Variants in ZPLD1 observed in about 807,000 individuals in gnomAD.
ZPLD1 encodes the protein zona pellucida like domain containing 1.
Under a neutral mutation model 47.2 loss-of-function variants are expected in ZPLD1, and 34 were observed. The ratio of observed to expected loss-of-function variants is 0.72; its 90% CI spans 0.55 to 0.96. ZPLD1 has a LOEUF of 0.96. Among genes scored for constraint, ZPLD1 ranks in the 40% least tolerant of loss-of-function variants. The probability of loss-of-function intolerance (pLI) is 0.00; values close to 1 mark genes in which losing one functional copy is unlikely to be tolerated. For synonymous variants in ZPLD1, 176 were observed against 186.2 expected, an observed-to-expected ratio of 0.95 and a Z score of 0.45; for missense variants, 512 against 505.8, an observed-to-expected ratio of 1.01 and a Z score of -0.12.
At chr3:102,476,989 C>T (rs1576171744) in intron 10 of ZPLD1, 23 bp from the exon 11 acceptor site, 1 of 1,612,672 alleles carries the variant, frequency 6.2e-7, no homozygotes, top group Non-Finnish European at 8.5e-7. Context: ...TGTCACTTCT[C>T]TTTTTCTGTT....
chr3:102,407,037 G>A (rs1158243207), intron 7 of ZPLD1, among the ~76,000 whole-genome samples: 2 of 151,740 alleles, frequency 1.3e-5, no homozygotes, highest in African/African-American at 2.4e-5. Context: ...TTCTGTGGGA[G>A]TAGCTCATCT....
rs369537892 is a variant in ZPLD1 at position 102,404,568 on chromosome 3, T to G, written c.-157+12343T>G. On this transcript the variant is annotated intron_variant, in intron 7 of 17. Coordinates refer to the ZPLD1 transcript ENST00000491959. ...TGAATAGCAAATCTCCTTTTGCTTT[T>G]GTGCTCCAGGTGTTTCTATTAGGAT... Among the ~76,000 whole-genome samples, 76 of 152,136 alleles carry G rather than the reference T, an allele frequency of 5.0e-4. 1 individual carries two copies. The highest frequency in any genetic ancestry group is 1.8e-3 in the African/African-American group (74 of 41,560).
At chr3:102,448,853 G>C (rs1347268249) in intron 3 of ZPLD1, among the ~76,000 whole-genome samples, 1 of 152,178 alleles carries the variant, frequency 6.6e-6, no homozygotes, top group African/African-American at 2.4e-5. Flanking sequence ...TCTCTTTTGT[G>C]ACATATTCAT....
chr3:102,477,422 GGT>G lies in ZPLD1; in HGVS notation c.1073-16_1073-15del. Reference sequence around the variant, plus strand: ...ATATTATATGGGGCCTTTACAACCGGGTGTGTTTTATTATTTGCAGGTTCTCC... The same window carrying G: ...ATATTATATGGGGCCTTTACAACCGGGTGTTTTATTATTTGCAGGTTCTCC... On this transcript the variant is annotated intron_variant, in intron 11 of 11. Coordinates refer to ENST00000466937, the MANE Select transcript of ZPLD1 (RefSeq NM_001329788.2). 1.2e-6 allele frequency: 2 copies of G among 1,603,972 alleles called. No homozygotes were observed. Among genetic ancestry groups the G allele is most frequent in the Non-Finnish European group, 1.7e-6 (2 of 1,176,262 alleles).
intron 3 of ZPLD1, among the ~76,000 whole-genome samples, chr3:102,441,977 C>T (rs1707185523): frequency 6.6e-6 from 1 of 152,130 alleles, no homozygotes; most frequent in Admixed American, 6.5e-5. Context: ...AGCGCAGAAA[C>T]AGGGACATAA....
chr3:102,447,407 T>C (rs994331675), intron 3 of ZPLD1, among the ~76,000 whole-genome samples: 1 of 152,126 alleles, frequency 6.6e-6, no homozygotes, highest in Non-Finnish European at 1.5e-5. Flanking sequence ...CCTCCAGAAT[T>C]TCGTTTCATA....
chr3:102,476,946 A>C (rs529179112), intron 10 of ZPLD1, 66 bp from the exon 11 acceptor site: 284 of 1,537,352 alleles, frequency 1.8e-4, no homozygotes, highest in Admixed American at 3.5e-4. Context: ...ATTATTAATC[A>C]GAATAAACAA....
At chr3:102,427,288 T>C (rs1256742242) in intron 8 of ZPLD1, among the ~76,000 whole-genome samples, 1 of 152,160 alleles carries the variant, frequency 6.6e-6, no homozygotes, top group East Asian at 1.9e-4. Flanking sequence ...ACCATTTTTG[T>C]CTGGAAGGAA....
At chr3:102,420,151 C>CA (rs1336768477) in intron 8 of ZPLD1, among the ~76,000 whole-genome samples, 1 of 151,816 alleles carries the variant, frequency 6.6e-6, no homozygotes, top group African/African-American at 2.4e-5. Flanking sequence ...CTCAAGACCT[C>CA]AATGATGAGG....
Position 102,453,417 on chromosome 3 carries a change from C to G in ZPLD1, c.327+278C>G, listed in dbSNP as rs563487910. 7.2e-5 allele frequency among the ~76,000 whole-genome samples: 11 copies of G among 152,280 alleles called. No homozygotes were observed. The South Asian group carries it at 2.1e-3, about 29-fold the overall frequency. On this transcript the variant is annotated intron_variant, in intron 4 of 11. Coordinates refer to ENST00000466937, the MANE Select transcript of ZPLD1 (RefSeq NM_001329788.2). ...GTGAGTGACACTGACGGATCTGTCT[C>G]TACAGTTTAGCATTAGCCATATTCC...
At chr3:102,446,636 T>A (rs1707259565) in intron 3 of ZPLD1, among the ~76,000 whole-genome samples, 1 of 152,140 alleles carries the variant, frequency 6.6e-6, no homozygotes, top group African/African-American at 2.4e-5. Context: ...AACCTACACA[T>A]CAGTGACATC....
intron 10 of ZPLD1, among the ~76,000 whole-genome samples, chr3:102,472,174 G>A (rs182398114): frequency 7.1e-4 from 108 of 152,266 alleles, no homozygotes; most frequent in African/African-American, 2.5e-3. Flanking sequence ...TATATTAAAT[G>A]TGAAATTTCA....
chr3:102,476,695 G>A (rs931511306), intron 10 of ZPLD1, among the ~76,000 whole-genome samples: 1 of 152,096 alleles, frequency 6.6e-6, no homozygotes, highest in African/African-American at 2.4e-5. Context: ...GAGAGCTAAT[G>A]ATGAAACAAA....
upstream of ZPLD1, among the ~76,000 whole-genome samples, chr3:102,431,274 C>T (rs1161502300): frequency 1.3e-5 from 2 of 152,128 alleles, no homozygotes; most frequent in African/African-American, 4.8e-5. Flanking sequence ...TTCATATTTC[C>T]TTATGGTATA....
chr3:102,440,004 T>A (rs1707151171), intron 3 of ZPLD1, among the ~76,000 whole-genome samples: 1 of 152,220 alleles, frequency 6.6e-6, no homozygotes, highest in Non-Finnish European at 1.5e-5. Context: ...ACACCGGATT[T>A]GGCCAACTGC....
At position 102,464,105 on chromosome 3, in the gene ZPLD1, T is replaced by A. The variant is rs538589967; in HGVS notation, c.681-66T>A. On this transcript the variant is annotated intron_variant, in intron 7 of 11. Transcript: ENST00000466937. Reference sequence around the variant, plus strand: ...GAAGTTTCTCAATATTTACTTCCCTTGTATTAGTAACTAATATCCAAAAGG... The same window carrying A: ...GAAGTTTCTCAATATTTACTTCCCTAGTATTAGTAACTAATATCCAAAAGG... 4.7e-6 allele frequency: 5 copies of A among 1,062,310 alleles called. No homozygotes were observed. The South Asian group carries it at 5.2e-5, about 11-fold the overall frequency. The allele number at this position is 1,062,310 out of a possible 1,614,324, so 65.8% of individuals were successfully genotyped here.
intron 6 of ZPLD1, among the ~76,000 whole-genome samples, chr3:102,386,634 G>A (rs1293200240): frequency 6.6e-6 from 1 of 152,082 alleles, no homozygotes; most frequent in African/African-American, 2.4e-5. Context: ...AATAGTGTAT[G>A]TGTCTCATCA....
chr3:102,419,688 A>T (rs1706853441), intron 8 of ZPLD1, among the ~76,000 whole-genome samples: 2 of 151,582 alleles, frequency 1.3e-5, no homozygotes, highest in Admixed American at 1.3e-4. Flanking sequence ...TGAACCACTG[A>T]ACTGTGAGCA....
rs1388524608 is a variant in ZPLD1 at position 102,478,833 on chromosome 3, A to G, written c.*1215A>G. The G allele has an allele frequency of 1.3e-5, 2 of 152,222 alleles. No homozygotes were observed. Among genetic ancestry groups the G allele is most frequent in the Admixed American group, 6.5e-5 (1 of 15,278 alleles). 9.4% of individuals were successfully genotyped at this position (152,222 alleles called of 1,614,324 possible). On this transcript the variant is annotated 3_prime_UTR_variant, in exon 12 of 12. Transcript: ENST00000466937. ...ACCTATGCACTGAACAAACAAAACA[A>G]TTTAATAGCCAACACCAAAACCCAG...
Sources: allele counts gnomAD v4.1 joint callset (sites outside exome capture counted in the v4.1 genomes callset), GRCh38; gene constraint gnomAD v4.1.1; transcripts MANE v1.5; gene names NCBI Gene and HGNC (gene_info 2026-07-23, HGNC 2026-07-21).